Variants in SYNE2 observed in about 807,000 individuals in gnomAD.
The protein encoded by SYNE2 is spectrin repeat containing nuclear envelope protein 2.
In SYNE2, 431 loss-of-function variants were observed where a neutral mutation model predicts 856.3. That is an observed-to-expected ratio of 0.50 (90% confidence interval 0.47 to 0.55). The LOEUF (loss-of-function observed/expected upper bound fraction) is 0.55, where lower values mean the gene tolerates loss of function less well. Among genes scored for constraint, SYNE2 ranks in the 20% least tolerant of loss-of-function variants. SYNE2 has a pLI of 0.00. For synonymous variants in SYNE2, 2,923 were observed against 2,872.3 expected, an observed-to-expected ratio of 1.02 and a Z score of -0.56; for missense variants, 8,129 against 8,023.2, an observed-to-expected ratio of 1.01 and a Z score of -0.50.
chr14:64,074,676 A>G (rs2097442663), intron 53 of SYNE2, among the ~76,000 whole-genome samples: 1 of 152,196 alleles, frequency 6.6e-6, no homozygotes, highest in African/African-American at 2.4e-5. Flanking sequence ...CAGGCAGATC[A>G]CTTGGGGTCA....
intron 1 of SYNE2, among the ~76,000 whole-genome samples, chr14:63,795,326 G>A (rs1319496174): frequency 3.9e-5 from 6 of 151,964 alleles, no homozygotes; most frequent in East Asian, 3.9e-4. Flanking sequence ...GACTGGCCTC[G>A]CCTCCCAGCC....
intron 96 of SYNE2, among the ~76,000 whole-genome samples, chr14:64,179,246 C>T (rs916362402): frequency 1.3e-5 from 2 of 152,154 alleles, no homozygotes; most frequent in Non-Finnish European, 2.9e-5. Flanking sequence ...CAGCAATTCT[C>T]GTGCCTCAGC....
Position 63,998,207 on chromosome 14 carries a change from A to G in SYNE2, c.3244-12A>G, listed in dbSNP as rs760913066. ...TAAGATATTTCGTTTACTATTTTGCATATTCCCTTAGGCAATGGAACCCAC... is the reference window on the plus strand; with the variant it reads ...TAAGATATTTCGTTTACTATTTTGCGTATTCCCTTAGGCAATGGAACCCAC... On this transcript the variant is annotated splice_polypyrimidine_tract_variant and intron_variant, in intron 25 of 115. Coordinates refer to ENST00000555002, the MANE Select transcript of SYNE2 (RefSeq NM_182914.3). 12 of 1,579,162 alleles carry G rather than the reference A, an allele frequency of 7.6e-6. No homozygotes were observed. Among genetic ancestry groups the G allele is most frequent in the Admixed American group, 1.7e-5 (1 of 59,956 alleles).
chr14:64,009,013 A>G (rs1260952022), intron 31 of SYNE2, among the ~76,000 whole-genome samples: 5 of 152,138 alleles, frequency 3.3e-5, no homozygotes, highest in Admixed American at 6.6e-5. Context: ...TTCCTACCGG[A>G]ACCTGAGTGT....
In SYNE2 at chr14:64,080,462, T is replaced by G; in HGVS notation, c.11170T>G (p.Trp3724Gly). 1 of 1,614,168 alleles carries G rather than the reference T, an allele frequency of 6.2e-7. No homozygotes were observed. The highest frequency in any genetic ancestry group is 1.1e-5 in the South Asian group (1 of 91,080). The change falls in exon 56 of 116, where the codon TGG (tryptophan) becomes GGG (glycine). Residue 3724 changes from tryptophan to glycine, a missense_variant. Trp to Gly is a radical substitution (Grantham distance 184). Coordinates refer to ENST00000555002, the MANE Select transcript of SYNE2 (RefSeq NM_182914.3). ...EKAQEIQKKM[W>G]DELDLWHSKL... ...TTACGATTTCCTTCTCCAGAAAATG[T>G]GGGACGAGTTAGATCTATGGCATTC...
At chr14:63,848,955 G>A (rs1397770936), upstream of SYNE2, among the ~76,000 whole-genome samples, 1 of 152,158 alleles carries the variant, frequency 6.6e-6, no homozygotes, top group African/African-American at 2.4e-5. Context: ...GCATCTTGTT[G>A]GATGCAACTT....
chr14:64,143,362 T>C (rs2098155610), intron 82 of SYNE2, among the ~76,000 whole-genome samples: 1 of 152,168 alleles, frequency 6.6e-6, no homozygotes, highest in Non-Finnish European at 1.5e-5. Flanking sequence ...CCTTAAGGTG[T>C]CCTGGGTTTT....
chr14:63,876,463 T>TA (rs569287783), intron 1 of SYNE2, among the ~76,000 whole-genome samples: 1,983 of 149,804 alleles, frequency 0.013, 21 homozygotes, highest in Non-Finnish European at 0.02. Flanking sequence ...TTTTTTTAAT[T>TA]AAAAAAAACA....
intron 1 of SYNE2, among the ~76,000 whole-genome samples, chr14:63,793,674 T>C (rs1200873167): frequency 2.0e-5 from 3 of 152,112 alleles, no homozygotes; most frequent in Non-Finnish European, 4.4e-5. Flanking sequence ...AGTTGGCTCA[T>C]GCCTATAATC....
intron 1 of SYNE2, among the ~76,000 whole-genome samples, chr14:63,898,684 C>T (rs1036267355): frequency 1.3e-5 from 2 of 152,178 alleles, no homozygotes; most frequent in African/African-American, 4.8e-5. Flanking sequence ...AGATTACAGG[C>T]ATGAATCACT....
intron 96 of SYNE2, among the ~76,000 whole-genome samples, chr14:64,178,292 A>G (rs1013035880): frequency 2.6e-5 from 4 of 152,232 alleles, no homozygotes; most frequent in Admixed American, 6.5e-5. Flanking sequence ...ACAAACTGCC[A>G]TGACACCATC....
chr14:64,061,837 G>A (rs1012171425), intron 49 of SYNE2, among the ~76,000 whole-genome samples: 12 of 152,144 alleles, frequency 7.9e-5, no homozygotes, highest in African/African-American at 2.9e-4. Context: ...CAGCTTTATG[G>A]TCTGTCCCCC....
intron 1 of SYNE2, among the ~76,000 whole-genome samples, chr14:63,773,448 G>A (rs1886995649): frequency 1.3e-5 from 2 of 152,034 alleles, no homozygotes; most frequent in Middle Eastern, 3.4e-3. Context: ...CAATCCACCC[G>A]CCTCACCCTT....
At chr14:63,801,118 T>G (rs1888111532) in intron 1 of SYNE2, among the ~76,000 whole-genome samples, 1 of 152,072 alleles carries the variant, frequency 6.6e-6, no homozygotes, top group Admixed American at 6.5e-5. Context: ...ATGCCTGAAG[T>G]TATATGGAAG....
intron 1 of SYNE2, among the ~76,000 whole-genome samples, chr14:63,793,874 A>T (rs1887827200): frequency 6.6e-6 from 1 of 151,818 alleles, no homozygotes; most frequent in Admixed American, 6.6e-5. Context: ...AGGAGTTCAA[A>T]GCTGCAGTGA....
At chr14:63,790,892 A>T (rs774092530) in intron 1 of SYNE2, among the ~76,000 whole-genome samples, 39 of 152,106 alleles carry the variant, frequency 2.6e-4, no homozygotes, top group Admixed American at 9.2e-4. Flanking sequence ...AAAATCATGT[A>T]TAGAAACACA....
chr14:64,186,059 T>C (rs2098488292), intron 96 of SYNE2, among the ~76,000 whole-genome samples: 1 of 152,160 alleles, frequency 6.6e-6, no homozygotes, highest in African/African-American at 2.4e-5. Flanking sequence ...GAAATGTAGT[T>C]TCAGGATTAA....
chr14:64,219,596 C>T (rs2098685628), intron 110 of SYNE2, among the ~76,000 whole-genome samples, 186 bp downstream of exon 110: 1 of 152,186 alleles, frequency 6.6e-6, no homozygotes, highest in Non-Finnish European at 1.5e-5. Flanking sequence ...TTTGTTTTCA[C>T]ATGGAAGAGT....
At position 64,016,546 on chromosome 14, in the gene SYNE2, T is replaced by C; in HGVS notation, c.4802T>C (p.Leu1601Pro). The C allele has an allele frequency of 6.2e-7, 1 of 1,604,030 alleles. No individual in the cohort carries two copies. The highest frequency in any genetic ancestry group is 8.5e-7 in the Non-Finnish European group (1 of 1,173,864). ...VDKINQVCKN[L>P]QFYLNKMKTF... ...AAGATAAACCAGGTCTGCAAAAATCTACAATTTTATCTAAATAAAATGAAA... is the reference window on the plus strand; with the variant it reads ...AAGATAAACCAGGTCTGCAAAAATCCACAATTTTATCTAAATAAAATGAAA... The change falls in exon 33 of 116, where the codon CTA (leucine) becomes CCA (proline). Residue 1601 changes from leucine to proline, a missense_variant. By Grantham distance (98) the Leu-to-Pro change is moderately conservative. Coordinates refer to ENST00000555002, the MANE Select transcript of SYNE2 (RefSeq NM_182914.3).
Sources: allele counts gnomAD v4.1 joint callset (sites outside exome capture counted in the v4.1 genomes callset), GRCh38; gene constraint gnomAD v4.1.1; transcripts MANE v1.5; gene names NCBI Gene and HGNC (gene_info 2026-07-23, HGNC 2026-07-21).